The following SEPTIN8 variants were observed in gnomAD, a reference collection of about 807,000 sequenced individuals.
The protein encoded by SEPTIN8 is septin-8.
Under a neutral mutation model 53.1 loss-of-function variants are expected in SEPTIN8, and 22 were observed. That is an observed-to-expected ratio of 0.41 (90% CI 0.30 to 0.59). The LOEUF (loss-of-function observed/expected upper bound fraction) is 0.59, where lower values mean the gene tolerates loss of function less well. Ranked by LOEUF, SEPTIN8 falls within the 20% of genes least tolerant of loss-of-function variation. The pLI is 0.24. For synonymous variants in SEPTIN8, 228 were observed against 248.4 expected (o/e 0.92, Z 0.77); for missense variants, 536 against 638.7 (o/e 0.84, Z 1.73).
chr5:132,768,329 C>T (rs891918231), intron 1 of SEPTIN8, among the ~76,000 whole-genome samples: 2 of 152,174 alleles, frequency 1.3e-5, no homozygotes, highest in African/African-American at 4.8e-5. Context: ...CACACACACA[C>T]GTACACACAC....
chr5:132,757,338 G>C (rs921039439), intron 9 of SEPTIN8: 3 of 985,306 alleles, frequency 3.0e-6, no homozygotes, highest in Admixed American at 6.1e-5. Flanking sequence ...CTTCCTGGCC[G>C]TGCCTCGGTG....
At chr5:132,762,392 T>C (rs1361696927) in intron 5 of SEPTIN8, 92 bp downstream of exon 5, 1 of 1,305,064 alleles carries the variant, frequency 7.7e-7, no homozygotes, top group African/African-American at 1.5e-5. Context: ...GCTGGAATCC[T>C]GGGGAACAAG....
chr5:132,766,410 G>A (rs1756604583), intron 1 of SEPTIN8, among the ~76,000 whole-genome samples: 1 of 152,206 alleles, frequency 6.6e-6, no homozygotes, highest in Non-Finnish European at 1.5e-5. Context: ...GTGGCCCACC[G>A]CTCTATAAAA....
chr5:132,776,309 A>G lies in SEPTIN8; in HGVS notation c.30+799T>C, dbSNP rs1757784796. ...AGACAGCAGGGGATGTCCAGATACA[A>G]CCCCCCAAAGGCCTCCCTCCCGCGA... is the stretch of plus-strand genomic sequence containing the variant. On this transcript the variant is annotated intron_variant, in intron 1 of 9. Coordinates refer to ENST00000378719, the MANE Select transcript of SEPTIN8 (RefSeq NM_001098811.2). This position sits in a 1 kb window ranked among gnomAD's most constrained non-coding sequence, Gnocchi z 4.4. 6.6e-6 allele frequency among the ~76,000 whole-genome samples: 1 copy of G among 151,356 alleles called. No individual in the cohort carries two copies. Among genetic ancestry groups the G allele is most frequent in the African/African-American group, 2.4e-5 (1 of 41,144 alleles).
chr5:132,770,151 A>G (rs192530128), intron 1 of SEPTIN8, among the ~76,000 whole-genome samples: 6 of 107,828 alleles, frequency 5.6e-5, no homozygotes, highest in African/African-American at 3.8e-4. Flanking sequence ...GTGTGTATAT[A>G]TATATATATA....
rs553110834 is a variant in SEPTIN8, at chr5:132,760,605, C to T, written c.1286+197G>A. The stretch of plus-strand genomic sequence containing the variant: ...ATGAGTATCAGAGCAATCCAGACGG[C>T]GAGACACTGGATCACTAGTGAAAGA... On this transcript the variant is annotated intron_variant, in intron 9 of 9. Coordinates refer to ENST00000378719, the MANE Select transcript of SEPTIN8 (RefSeq NM_001098811.2). The surrounding 1 kb of genome is among the most constrained non-coding windows in gnomAD (Gnocchi z 5.2). Among the ~76,000 whole-genome samples, 3 of 149,350 alleles carry T rather than the reference C, an allele frequency of 2.0e-5. No homozygotes were observed. Among genetic ancestry groups the T allele is most frequent in the African/African-American group, 2.5e-5 (1 of 39,322 alleles).
Position 132,764,668 on chromosome 5 carries a change from T to C in SEPTIN8, c.152-249A>G, listed in dbSNP as rs146862222. Among the ~76,000 whole-genome samples, 1,067 of 152,312 alleles carry C rather than the reference T, an allele frequency of 7.0e-3. 13 individuals carry two copies. The highest frequency in any genetic ancestry group is 0.024 in the African/African-American group (987 of 41,558). On this transcript the variant is annotated intron_variant, in intron 2 of 9. Coordinates refer to ENST00000378719, the MANE Select transcript of SEPTIN8 (RefSeq NM_001098811.2). ...GGACAGAAGACATAGCTGTGTGTGA[T>C]ATGTGATGTATTTCCTCAGGGAGCA...
intron 9 of SEPTIN8, chr5:132,757,115 C>T (rs534538140): frequency 1.4e-4 from 134 of 984,754 alleles, no homozygotes; most frequent in Middle Eastern, 5.2e-4. Flanking sequence ...CTTATTGTGA[C>T]GCTAAGGAAG....
intron 9 of SEPTIN8, chr5:132,754,424 A>T (rs1177030761): frequency 2.8e-6 from 2 of 717,474 alleles, no homozygotes; most frequent in South Asian, 3.0e-5. Context: ...CAGTTTAGGC[A>T]TCCCAGGCTT....
intron 1 of SEPTIN8, among the ~76,000 whole-genome samples, chr5:132,770,030 CATAT>C (rs1203298680): frequency 1.1e-3 from 57 of 49,574 alleles, no homozygotes; most frequent in African/African-American, 4.8e-3. Context: ...TATACACACA[CATAT>C]ATATATATGT....
chr5:132,762,625 G>A lies in SEPTIN8; in HGVS notation c.555C>T (p.Ile185=), dbSNP rs770938377. The change falls in exon 5 of 10, where the codon ATC becomes ATT. Residue 185 remains isoleucine (I), a synonymous_variant. Coordinates refer to ENST00000378719, the MANE Select transcript of SEPTIN8 (RefSeq NM_001098811.2). ...LDSKVNIIPI[I]AKADTISKSE... The stretch of plus-strand genomic sequence containing the variant: ...TCTTGGAGATGGTGTCAGCCTTGGC[G>A]ATGATGGGAATAATGTTCACCTGCC... 1.7e-5 allele frequency: 27 copies of A among 1,614,110 alleles called. No individual in the cohort carries two copies. Among genetic ancestry groups the A allele is most frequent in the Admixed American group, 5.0e-5 (3 of 60,006 alleles).
chr5:132,754,782 T>G (rs112115578), intron 9 of SEPTIN8, among the ~76,000 whole-genome samples: 1 of 152,220 alleles, frequency 6.6e-6, no homozygotes. Context: ...TTGGGAAACA[T>G]TTCTCAGGGA....
chr5:132,758,755 G>A, intron 9 of SEPTIN8: 1 of 1,614,006 alleles, frequency 6.2e-7, no homozygotes, highest in Middle Eastern at 1.7e-4. Flanking sequence ...GTCACAAGGT[G>A]TAACTCAAGC....
At chr5:132,762,176 G>C (rs1187427849) in intron 5 of SEPTIN8, among the ~76,000 whole-genome samples, 3 of 152,196 alleles carry the variant, frequency 2.0e-5, no homozygotes, top group Non-Finnish European at 4.4e-5. Context: ...GAAAGGACCT[G>C]TGAGCCTGGC....
upstream of SEPTIN8, among the ~76,000 whole-genome samples, chr5:132,778,898 A>G (rs767802284): frequency 1.3e-5 from 2 of 152,164 alleles, no homozygotes; most frequent in African/African-American, 4.8e-5. Flanking sequence ...TTCTTTCCCT[A>G]TAACTAACAA....
At position 132,761,335 on chromosome 5, in the gene SEPTIN8, A is replaced by G; in HGVS notation, c.963-70T>C. 2 of 1,602,034 alleles carry G rather than the reference A, an allele frequency of 1.2e-6. No homozygotes were observed. Among genetic ancestry groups the G allele is most frequent in the Non-Finnish European group, 1.7e-6 (2 of 1,176,994 alleles). ...GAATGGGATAGGGCAGGGCAGAGCC[A>G]GAGAAGTAGAATCATGTGGGCACGA... On this transcript the variant is annotated intron_variant, in intron 7 of 9. Transcript: ENST00000378719. The surrounding 1 kb of genome is among the most constrained non-coding windows in gnomAD (Gnocchi z 5.8).
At chr5:132,756,534 T>G in intron 9 of SEPTIN8, 1 of 985,354 alleles carries the variant, frequency 1.0e-6, no homozygotes, top group Non-Finnish European at 1.2e-6. Flanking sequence ...CAGGGTCACA[T>G]TCTATGGGGG....
chr5:132,758,999 G>T (rs1303735971), intron 9 of SEPTIN8: 1 of 747,766 alleles, frequency 1.3e-6, no homozygotes, highest in South Asian at 1.5e-5. Flanking sequence ...CCAGGCTAAG[G>T]GTCAAGATCT....
Position 132,758,683 on chromosome 5 carries a change from C to T in SEPTIN8, c.1286+2119G>A. The T allele has an allele frequency of 5.0e-6, 8 of 1,597,816 alleles. No homozygotes were observed. The South Asian group carries it at 9.0e-5, about 18-fold the overall frequency. On this transcript the variant is annotated intron_variant, in intron 9 of 9. Coordinates refer to ENST00000378719, the MANE Select transcript of SEPTIN8 (RefSeq NM_001098811.2). The stretch of plus-strand genomic sequence containing the variant: ...CAGGGTCGGTGGGAGGAAAGCAAGG[C>T]TGTAAACACTGGAGTCTGTACCGGC...
Sources: allele counts gnomAD v4.1 joint callset (sites outside exome capture counted in the v4.1 genomes callset), GRCh38; gene constraint gnomAD v4.1.1; non-coding constraint Gnocchi (gnomAD v3.1); transcripts MANE v1.5; gene names NCBI Gene and HGNC (gene_info 2026-07-23, HGNC 2026-07-21).